The following POC1A variants were observed in gnomAD, a reference collection of about 807,000 sequenced individuals.
POC1A encodes POC1 centriolar protein homolog A.
Under a neutral mutation model 47.8 loss-of-function variants are expected in POC1A, and 34 were observed. The ratio of observed to expected loss-of-function variants is 0.71; its 90% CI spans 0.54 to 0.95. The LOEUF (loss-of-function observed/expected upper bound fraction) is 0.95. Among genes scored for constraint, POC1A ranks in the 40% least tolerant of loss-of-function variants. The probability of loss-of-function intolerance (pLI) is 0.00; values close to 1 mark genes in which losing one functional copy is unlikely to be tolerated. For missense variants in POC1A, 466 were observed against 528.3 expected (o/e 0.88, Z 1.16); for synonymous variants, 177 against 207.6 (o/e 0.85, Z 1.27).
At chr3:52,126,217 A>G (rs1250073892) in intron 7 of POC1A, among the ~76,000 whole-genome samples, 3 of 152,236 alleles carry the variant, frequency 2.0e-5, no homozygotes, top group Non-Finnish European at 4.4e-5. Context: ...CTGGCAGCAC[A>G]TCTACAGCTG....
At chr3:52,081,182 C>T (rs1001700747) in intron 10 of POC1A, among the ~76,000 whole-genome samples, 1 of 152,238 alleles carries the variant, frequency 6.6e-6, no homozygotes, top group East Asian at 1.9e-4. Flanking sequence ...TAGCAAACTA[C>T]GGCCGGCTGC....
chr3:52,097,745 T>C (rs1702870188), intron 9 of POC1A, among the ~76,000 whole-genome samples: 1 of 152,220 alleles, frequency 6.6e-6, no homozygotes, highest in African/African-American at 2.4e-5. Flanking sequence ...AGAACTTGAA[T>C]GTGAGACATG....
At chr3:52,115,019 G>A (rs1703512048) in intron 9 of POC1A, among the ~76,000 whole-genome samples, 1 of 152,212 alleles carries the variant, frequency 6.6e-6, no homozygotes, top group Admixed American at 6.5e-5. Context: ...TGAGCCCAAG[G>A]GCACGGGCAG....
chr3:52,138,170 T>C lies in POC1A; in HGVS notation c.812A>G (p.Gln271Arg). The C allele has an allele frequency of 6.2e-7, 1 of 1,614,082 alleles. No homozygotes were observed. Among genetic ancestry groups the C allele is most frequent in the South Asian group, 1.1e-5 (1 of 91,072 alleles). ...GRLLYTLHGH[Q>R]GPATTVAFSR... ...CAGCACCTGGCCGACACCTCTCACC[T>C]GATGCCCGTGGAGTGTGTAGAGCAG... Residue 271 changes from glutamine to arginine, a missense_variant and splice_region_variant, in exon 7 of 11, where the codon CAG becomes CGG. Coordinates refer to ENST00000296484, the MANE Select transcript of POC1A (RefSeq NM_015426.5).
intron 7 of POC1A, among the ~76,000 whole-genome samples, chr3:52,127,752 A>G (rs1026646817): frequency 6.7e-6 from 1 of 149,410 alleles, no homozygotes; most frequent in Non-Finnish European, 1.5e-5. Flanking sequence ...CTGGAGAGCA[A>G]TGGTACAGTC....
At chr3:52,078,210 G>A (rs182783286) in intron 10 of POC1A, among the ~76,000 whole-genome samples, 10 of 152,072 alleles carry the variant, frequency 6.6e-5, no homozygotes, top group Admixed American at 2.0e-4. Flanking sequence ...AAGGTGCCTC[G>A]TGGTGGCCAC....
intron 10 of POC1A, among the ~76,000 whole-genome samples, chr3:52,094,960 A>G (rs1425869668): frequency 6.6e-6 from 1 of 152,244 alleles, no homozygotes; most frequent in Non-Finnish European, 1.5e-5. Flanking sequence ...CTGTGAACAC[A>G]TAACAAAACC....
At chr3:52,117,187 C>CAA (rs751503158) in intron 9 of POC1A, among the ~76,000 whole-genome samples, 20 of 129,290 alleles carry the variant, frequency 1.5e-4, no homozygotes, top group African/African-American at 4.2e-4. Flanking sequence ...GACTCTGTCT[C>CAA]AAAAAAAAAA....
At chr3:52,153,710 G>T (rs1559858118) in intron 1 of POC1A, among the ~76,000 whole-genome samples, 1 of 152,214 alleles carries the variant, frequency 6.6e-6, no homozygotes, top group Non-Finnish European at 1.5e-5. Flanking sequence ...ATACATGAGG[G>T]GACAGGAAGG....
intron 10 of POC1A, among the ~76,000 whole-genome samples, chr3:52,077,079 G>A (rs573050217): frequency 1.2e-4 from 18 of 152,374 alleles, no homozygotes; most frequent in African/African-American, 3.8e-4. Context: ...TGGCCATGAC[G>A]CCTTTGGCAT....
At chr3:52,135,630 C>T (rs1159630701) in intron 7 of POC1A, among the ~76,000 whole-genome samples, 1 of 152,234 alleles carries the variant, frequency 6.6e-6, no homozygotes, top group African/African-American at 2.4e-5. Flanking sequence ...GCTGGCAGAC[C>T]TGGGTCCCAG....
chr3:52,106,008 C>G (rs1016400959), intron 9 of POC1A, among the ~76,000 whole-genome samples: 1 of 151,974 alleles, frequency 6.6e-6, no homozygotes, highest in Admixed American at 6.5e-5. Context: ...TCCTGGCTAA[C>G]ACGGTGAAAC....
intron 10 of POC1A, among the ~76,000 whole-genome samples, chr3:52,078,720 C>T (rs1489963461): frequency 3.3e-5 from 5 of 152,124 alleles, no homozygotes; most frequent in Non-Finnish European, 7.4e-5. Flanking sequence ...ACCGTGGTCT[C>T]GATCTCCTGA....
At chr3:52,112,986 G>A (rs1167267432) in intron 9 of POC1A, among the ~76,000 whole-genome samples, 3 of 152,204 alleles carry the variant, frequency 2.0e-5, no homozygotes, top group Non-Finnish European at 2.9e-5. Context: ...CTCTGGATAT[G>A]AGGCCCAGCA....
rs754986418 is a variant in POC1A, at chr3:52,125,169, T to C, written c.826A>G (p.Thr276Ala). 61 of 1,613,706 alleles carry C rather than the reference T, an allele frequency of 3.8e-5. No homozygotes were observed. The highest frequency in any genetic ancestry group is 5.2e-5 in the Non-Finnish European group (61 of 1,179,780). Residue 276 changes from threonine to alanine, a missense_variant, in exon 8 of 11, where the codon ACT becomes GCT. Physicochemically the swap from Thr to Ala is moderately conservative, Grantham distance 58 (BLOSUM62 0). Coordinates refer to ENST00000296484, the MANE Select transcript of POC1A (RefSeq NM_015426.5). ...TCCCCCGTTCTTGAAAAGGCAACAG[T>C]GGTGGCTGGTCCCTGGCAGAACAAA... ...TLHGHQGPAT[T>A]VAFSRTGEYF... is the part of the protein sequence containing the mutation.
chr3:52,145,927 T>G lies in POC1A; in HGVS notation c.598A>C (p.Thr200Pro). ...VTYVDFHPSG[T>P]CIAAAGMDNT... The stretch of plus-strand genomic sequence containing the variant: ...TCCATGCCGGCAGCGGCAATGCACG[T>G]CCCACTGGGGTGGAAGTCCACATAG... Residue 200 changes from threonine (T) to proline (P), a missense_variant, in exon 6 of 11, where the codon ACG (threonine) becomes CCG (proline). Thr to Pro is a conservative substitution (Grantham distance 38). Coordinates refer to ENST00000296484, the MANE Select transcript of POC1A (RefSeq NM_015426.5). 1 of 1,613,772 alleles carries G rather than the reference T, an allele frequency of 6.2e-7. No individual in the cohort carries two copies. The highest frequency in any genetic ancestry group is 1.1e-5 in the South Asian group (1 of 91,088).
intron 10 of POC1A, among the ~76,000 whole-genome samples, chr3:52,086,929 A>C (rs976260527): frequency 6.6e-6 from 1 of 152,232 alleles, no homozygotes; most frequent in Non-Finnish European, 1.5e-5. Flanking sequence ...TGGATGGACA[A>C]ATGCCCTGAG....
At chr3:52,087,369 A>C (rs1702494064) in intron 10 of POC1A, among the ~76,000 whole-genome samples, 1 of 152,136 alleles carries the variant, frequency 6.6e-6, no homozygotes, top group African/African-American at 2.4e-5. Flanking sequence ...TTCTAAAAAA[A>C]TTCCTCCCAA....
chr3:52,149,931 C>T lies in POC1A; in HGVS notation c.160G>A (p.Ala54Thr), dbSNP rs566425321. ...TCCTTGTGGCCAGTGAAGCGGTAGG[C>T]GCGTGACTGCGGCTTCATGTGCCAG... Reference protein sequence around the residue: ...MVWHMKPQSRAYRFTGHKDAV... With the variant: ...MVWHMKPQSRTYRFTGHKDAV... Residue 54 changes from alanine to threonine, a missense_variant, in exon 3 of 11, where the codon GCC (alanine) becomes ACC (threonine). Physicochemically the swap from Ala to Thr is moderately conservative, Grantham distance 58. Transcript: ENST00000296484. The T allele has an allele frequency of 1.6e-5, 26 of 1,613,708 alleles. No individual in the cohort carries two copies. Among genetic ancestry groups the T allele is most frequent in the Middle Eastern group, 3.3e-4 (2 of 6,084 alleles).
Sources: gnomAD v4.1 joint callset for allele counts (sites outside exome capture counted in the v4.1 genomes callset) on GRCh38, gnomAD v4.1.1 for gene constraint, MANE v1.5 for transcripts, NCBI Gene and HGNC (gene_info 2026-07-23, HGNC 2026-07-21) for gene names.